Variants in ARHGEF18 observed in about 807,000 individuals in gnomAD.
ARHGEF18 encodes the protein rho guanine nucleotide exchange factor 18.
ARHGEF18 carries 93 observed loss-of-function variants against 155.7 expected under a neutral mutation model. The observed-to-expected ratio is 0.60, with a 90% CI of 0.50 to 0.71. The LOEUF (loss-of-function observed/expected upper bound fraction) is 0.71. Among genes scored for constraint, ARHGEF18 ranks in the 30% least tolerant of loss-of-function variants. The pLI is 0.00. For missense variants in ARHGEF18, 1,593 were observed against 1,816.1 expected, an observed-to-expected ratio of 0.88 and a Z score of 2.23; for synonymous variants, 742 against 753.1, an observed-to-expected ratio of 0.99 and a Z score of 0.24.
At chr19:7,399,521 C>A (rs1448404239) in intron 10 of ARHGEF18, among the ~76,000 whole-genome samples, 1 of 150,032 alleles carries the variant, frequency 6.7e-6, no homozygotes, top group African/African-American at 2.5e-5. Flanking sequence ...TTGCTCTGTG[C>A]CCCAGCCTGG....
intron 10 of ARHGEF18, among the ~76,000 whole-genome samples, chr19:7,390,016 C>A (rs1157518182): frequency 1.3e-5 from 2 of 151,840 alleles, no homozygotes; most frequent in African/African-American, 4.8e-5. Context: ...TATAGTGAGA[C>A]CCTCGTCTCT....
chr19:7,394,441 C>T (rs185712889), intron 10 of ARHGEF18, among the ~76,000 whole-genome samples: 90 of 152,106 alleles, frequency 5.9e-4, no homozygotes, highest in South Asian at 6.2e-4. Context: ...GGAGTGCCCC[C>T]CTTAGGTACT....
intron 1 of ARHGEF18, among the ~76,000 whole-genome samples, chr19:7,356,398 C>T (rs1363115489): frequency 3.3e-5 from 5 of 151,496 alleles, no homozygotes; most frequent in African/African-American, 4.9e-5. Flanking sequence ...CTCAGCCTTT[C>T]GGGTAGCTGG....
At chr19:7,352,776 G>A (rs1003291981) in intron 1 of ARHGEF18, among the ~76,000 whole-genome samples, 8 of 141,544 alleles carry the variant, frequency 5.7e-5, no homozygotes, top group East Asian at 2.1e-4. Flanking sequence ...CTCATGATCC[G>A]CCCACCTCGG....
intron 10 of ARHGEF18, among the ~76,000 whole-genome samples, chr19:7,406,989 C>T (rs540207921): frequency 1.4e-5 from 2 of 145,704 alleles, no homozygotes; most frequent in South Asian, 2.2e-4. Flanking sequence ...GGCATGAACC[C>T]GGGAAGCAGA....
In ARHGEF18 at chr19:7,462,228, G is replaced by C. The variant is rs1272816343; in HGVS notation, c.2529G>C (p.Glu843Asp). The change falls in exon 21 of 29, where the codon GAG becomes GAC. Residue 843 changes from glutamate to aspartate, a missense_variant. Physicochemically the swap from Glu to Asp is conservative, Grantham distance 45. Coordinates refer to ENST00000668164, the MANE Select transcript of ARHGEF18 (RefSeq NM_001367823.1). The surrounding 1 kb of genome is among the most constrained non-coding windows in gnomAD (Gnocchi z 4.4). Reference sequence around the variant, plus strand: ...AGCAGATCTACCTGGAGATGGCCGAGATGGGCGGCCTCGAAGACCTGCCCC... The same window carrying C: ...AGCAGATCTACCTGGAGATGGCCGACATGGGCGGCCTCGAAGACCTGCCCC... ...EKQQIYLEMAEMGGLEDLPQP... is the reference protein window; with the variant it reads ...EKQQIYLEMADMGGLEDLPQP... 1 of 1,613,994 alleles carries C rather than the reference G, an allele frequency of 6.2e-7. No homozygotes were observed. The highest frequency in any genetic ancestry group is 8.5e-7 in the Non-Finnish European group (1 of 1,180,042).
rs1600534037 is a variant in ARHGEF18 at position 7,463,071 on chromosome 19, T to G, written c.2635+737T>G. ...CTGGTCTCGAACTCCTGACCTCAGATGATCCACCCTCCTCTGCCTCCCAAG... is the reference window on the plus strand; with the variant it reads ...CTGGTCTCGAACTCCTGACCTCAGAGGATCCACCCTCCTCTGCCTCCCAAG... On this transcript the variant is annotated intron_variant, in intron 21 of 28. Coordinates refer to ENST00000668164, the MANE Select transcript of ARHGEF18 (RefSeq NM_001367823.1). This position sits in a 1 kb window ranked among gnomAD's most constrained non-coding sequence, Gnocchi z 5.2. 6.6e-6 allele frequency among the ~76,000 whole-genome samples: 1 copy of G among 152,152 alleles called. No individual in the cohort carries two copies. The highest frequency in any genetic ancestry group is 2.1e-4 in the South Asian group (1 of 4,830).
At chr19:7,416,849 C>T (rs113691232) in intron 10 of ARHGEF18, among the ~76,000 whole-genome samples, 17,475 of 151,864 alleles carry the variant, frequency 0.12, 2,021 homozygotes, top group African/African-American at 0.3. Flanking sequence ...ATGATCCGCT[C>T]GCCTCAGCCT....
intron 26 of ARHGEF18, among the ~76,000 whole-genome samples, chr19:7,468,531 C>T (rs984763405): frequency 6.6e-6 from 1 of 152,172 alleles, no homozygotes; most frequent in South Asian, 2.1e-4. Context: ...AGAGCAAGAC[C>T]GTGTCTCTGA....
chr19:7,415,443 G>A (rs1010501725), intron 10 of ARHGEF18, among the ~76,000 whole-genome samples: 1 of 151,640 alleles, frequency 6.6e-6, no homozygotes, highest in Non-Finnish European at 1.5e-5. Context: ...ACCCCTTCCA[G>A]TGTGCCCTGC....
At chr19:7,473,750 C>T (rs368335734), downstream of ARHGEF18, among the ~76,000 whole-genome samples, 10 of 140,188 alleles carry the variant, frequency 7.1e-5, no homozygotes, top group African/African-American at 2.4e-4. Flanking sequence ...GCGGAGCTTG[C>T]GGTGAGCCGA....
At chr19:7,453,850 C>T (rs1473727677) in intron 17 of ARHGEF18, 135 bp downstream of exon 17, 1 of 1,217,934 alleles carries the variant, frequency 8.2e-7, no homozygotes, top group African/African-American at 1.5e-5. Context: ...AGGTGGTCAC[C>T]ATCTTGGATT....
At position 7,403,556 on chromosome 19, in the gene ARHGEF18, T is replaced by TC. The variant is rs202236653; in HGVS notation, c.967+20353_967+20354insC. The stretch of plus-strand genomic sequence containing the variant: ...TTCTTTCTTTCTTTCTTTCTTTCTT[T>TC]TTTTTTTTTTTGAGACGGTCTTGCT... On this transcript the variant is annotated intron_variant, in intron 10 of 28. Transcript: ENST00000668164. Among the ~76,000 whole-genome samples the TC allele has an allele frequency of 1.3e-4, 20 of 150,364 alleles. 1 individual carries two copies. Among genetic ancestry groups the TC allele is most frequent in the Admixed American group, 4.7e-4 (7 of 15,050 alleles).
intron 10 of ARHGEF18, among the ~76,000 whole-genome samples, chr19:7,413,652 C>T (rs1382905167): frequency 1.3e-5 from 2 of 152,110 alleles, no homozygotes; most frequent in Non-Finnish European, 2.9e-5. Flanking sequence ...GTTCCAGCTA[C>T]TTGGGAGATA....
intron 10 of ARHGEF18, among the ~76,000 whole-genome samples, chr19:7,426,486 CAAAAAAA>C (rs760020542): frequency 9.9e-6 from 1 of 100,786 alleles, no homozygotes; most frequent in Admixed American, 1.1e-4. Flanking sequence ...GACTCTGTCT[CAAAAAAA>C]AAAAAAAAAG....
intron 3 of ARHGEF18, among the ~76,000 whole-genome samples, chr19:7,373,483 G>GTTTT (rs372663795): frequency 0.029 from 4,121 of 140,442 alleles, 220 homozygotes; most frequent in African/African-American, 0.1. Flanking sequence ...TTTTGTTTTT[G>GTTTT]TTTTTTTTTT....
intron 10 of ARHGEF18, among the ~76,000 whole-genome samples, chr19:7,391,840 G>C (rs1449627005): frequency 6.6e-6 from 1 of 152,022 alleles, no homozygotes; most frequent in Non-Finnish European, 1.5e-5. Flanking sequence ...CCACCACCGA[G>C]AATTATCCAG....
intron 7 of ARHGEF18, among the ~76,000 whole-genome samples, chr19:7,379,800 G>A (rs1276824019): frequency 6.6e-6 from 1 of 152,182 alleles, no homozygotes; most frequent in Non-Finnish European, 1.5e-5. Context: ...GCCAAGGTGA[G>A]AGGATCATTT....
intron 10 of ARHGEF18, among the ~76,000 whole-genome samples, chr19:7,404,334 C>A (rs1972179825): frequency 1.3e-5 from 2 of 152,012 alleles, no homozygotes; most frequent in African/African-American, 4.8e-5. Context: ...GCTGCGTTCT[C>A]TGTTGTCCTG....
Sources: gnomAD v4.1 joint callset for allele counts (sites outside exome capture counted in the v4.1 genomes callset) on GRCh38, gnomAD v4.1.1 for gene constraint, Gnocchi (gnomAD v3.1) non-coding constraint, MANE v1.5 for transcripts, NCBI Gene and HGNC (gene_info 2026-07-23, HGNC 2026-07-21) for gene names.